JAZF1: variants seen among roughly 807,000 people sequenced by gnomAD.
The protein encoded by JAZF1 is JAZF zinc finger 1, also known as juxtaposed with another zinc finger protein 1.
A neutral mutation model predicts 26.4 loss-of-function variants in JAZF1; 8 were observed. That is an observed-to-expected ratio of 0.30 (90% CI 0.18 to 0.55). The LOEUF (loss-of-function observed/expected upper bound fraction) is 0.55, where lower values mean the gene tolerates loss of function less well. JAZF1 is among the 20% of genes least tolerant of loss of function. The pLI, the probability that JAZF1 is intolerant of heterozygous loss-of-function variation, is 0.94. For missense variants in JAZF1, 199 were observed against 322.0 expected (o/e 0.62, Z 2.92); for synonymous variants, 126 against 122.3 (o/e 1.03, Z -0.20).
Position 27,832,636 on chromosome 7 carries a change from ACT to A in JAZF1, c.*162_*163del, listed in dbSNP as rs1782728118. ...CATGTGCAAATGTACAAAATCATTA[ACT>A]CTACAAAGATACATCATTCCAAAAT... On this transcript the variant is annotated 3_prime_UTR_variant, in exon 5 of 5. Coordinates refer to ENST00000283928, the MANE Select transcript of JAZF1 (RefSeq NM_175061.4). 6.0e-6 allele frequency: 3 copies of A among 498,594 alleles called. No homozygotes were observed. The highest frequency in any genetic ancestry group is 3.2e-5 in the East Asian group (1 of 31,438). The allele number at this position is 498,594 out of a possible 1,614,324, so 30.9% of individuals were successfully genotyped here.
At chr7:28,083,773 G>A (rs555678225) in intron 1 of JAZF1, among the ~76,000 whole-genome samples, 18 of 151,962 alleles carry the variant, frequency 1.2e-4, no homozygotes, top group Admixed American at 7.8e-4. Context: ...GACCCAGCCA[G>A]TAAAAACATT....
At chr7:27,885,659 G>C (rs1461983255) in intron 3 of JAZF1, among the ~76,000 whole-genome samples, 2 of 152,056 alleles carry the variant, frequency 1.3e-5, no homozygotes, top group African/African-American at 4.8e-5. Flanking sequence ...CTTTAGTGTT[G>C]CCGAAGTCCA....
At chr7:28,161,286 A>C (rs1783283434) in intron 1 of JAZF1, among the ~76,000 whole-genome samples, 1 of 134,278 alleles carries the variant, frequency 7.4e-6, no homozygotes, top group Non-Finnish European at 1.6e-5. Flanking sequence ...AAAAAAGTCT[A>C]CTCAAAAGCC....
In JAZF1 at chr7:27,874,689, AT is replaced by A. The variant is rs1202409691; in HGVS notation, c.385+20530del. Among the ~76,000 whole-genome samples, 3 of 144,918 alleles carry A rather than the reference AT, an allele frequency of 2.1e-5. No individual in the cohort carries two copies. The Admixed American group carries it at 2.1e-4, about 10-fold the overall frequency. ...AAAAGAGCAAAGAAGCATGGCCTGA[AT>A]CAGGCCAACCACTGAACCTTTAATC... On this transcript the variant is annotated intron_variant, in intron 3 of 4. Transcript: ENST00000283928.
At chr7:27,876,144 G>T (rs778301143) in intron 3 of JAZF1, among the ~76,000 whole-genome samples, 3 of 152,194 alleles carry the variant, frequency 2.0e-5, no homozygotes, top group Non-Finnish European at 2.9e-5. Flanking sequence ...GGGTGTCCCC[G>T]CATGGTAACT....
At position 27,951,817 on chromosome 7, in the gene JAZF1, G is replaced by C. The variant is rs142087575; in HGVS notation, c.188+40092C>G. Among the ~76,000 whole-genome samples, 12 of 152,258 alleles carry C rather than the reference G, an allele frequency of 7.9e-5. 1 individual carries two copies. The East Asian group carries it at 2.3e-3, about 29-fold the overall frequency. On this transcript the variant is annotated intron_variant, in intron 2 of 4. Coordinates refer to ENST00000283928, the MANE Select transcript of JAZF1 (RefSeq NM_175061.4). ...GTATCTGGTGTAAGAAGAGAAAGACGGCGGGTTCATAAGCCACACTGCTGA... is the reference window on the plus strand; with the variant it reads ...GTATCTGGTGTAAGAAGAGAAAGACCGCGGGTTCATAAGCCACACTGCTGA...
At chr7:27,992,077 G>T (rs1306540324) in intron 1 of JAZF1, 96 bp from the exon 2 acceptor site, 1 of 790,594 alleles carries the variant, frequency 1.3e-6, no homozygotes, top group Non-Finnish European at 2.3e-6. Context: ...CAGAGAAAAA[G>T]ATTAATTTAG....
intron 1 of JAZF1, among the ~76,000 whole-genome samples, chr7:28,054,956 T>C (rs1171411272): frequency 6.6e-6 from 1 of 152,066 alleles, no homozygotes; most frequent in Non-Finnish European, 1.5e-5. Context: ...GTTCTCAATA[T>C]AGGTGCTGGC....
At position 27,831,953 on chromosome 7, in the gene JAZF1, C is replaced by A; in HGVS notation, c.*847G>T. 4.5e-6 allele frequency: 1 copy of A among 220,272 alleles called. No homozygotes were observed. The highest frequency in any genetic ancestry group is 6.7e-5 in the East Asian group (1 of 15,008). 13.6% of individuals were successfully genotyped at this position (220,272 alleles called of 1,614,324 possible). A position where few individuals can be genotyped will look rare whatever the true frequency, so the allele number is the denominator to read the frequency against. On this transcript the variant is annotated 3_prime_UTR_variant, in exon 5 of 5. Coordinates refer to ENST00000283928, the MANE Select transcript of JAZF1 (RefSeq NM_175061.4). ...ACACACACTTTGCACTGAAGTATTT[C>A]AAAGTCTTTTCTAACAGATTTCAGG...
intron 1 of JAZF1, among the ~76,000 whole-genome samples, chr7:28,090,860 C>A (rs1784284245): frequency 7.0e-6 from 1 of 142,034 alleles, no homozygotes; most frequent in Admixed American, 7.3e-5. Flanking sequence ...CGCTCTGTCA[C>A]CCAGGCCGGA....
At chr7:28,120,970 C>A (rs1214086403) in intron 1 of JAZF1, among the ~76,000 whole-genome samples, 2 of 151,990 alleles carry the variant, frequency 1.3e-5, no homozygotes, top group Non-Finnish European at 2.9e-5. Context: ...GAGGCCAAGG[C>A]GGGTGGATCA....
chr7:27,918,584 CT>C (rs1027581124), intron 2 of JAZF1, among the ~76,000 whole-genome samples: 3 of 152,160 alleles, frequency 2.0e-5, no homozygotes, highest in Non-Finnish European at 4.4e-5. Context: ...AGTATTTCAA[CT>C]TTTCCATGTG....
At position 27,925,943 on chromosome 7, in the gene JAZF1, C is replaced by A. The variant is rs570158877; in HGVS notation, c.189-30527G>T. Among the ~76,000 whole-genome samples, 98 of 152,322 alleles carry A rather than the reference C, an allele frequency of 6.4e-4. 2 individuals carry two copies. In the South Asian group the frequency reaches 0.011, roughly 17 times the overall value. On this transcript the variant is annotated intron_variant, in intron 2 of 4. Transcript: ENST00000283928. The stretch of plus-strand genomic sequence containing the variant: ...GTACTAAAAACCTTAGAAACCTCAC[C>A]ATGGCTAGCCTGGAGAGTCCCCTGT...
At chr7:27,872,149 G>A (rs1467964915) in intron 3 of JAZF1, among the ~76,000 whole-genome samples, 3 of 152,270 alleles carry the variant, frequency 2.0e-5, no homozygotes, top group African/African-American at 7.2e-5. Flanking sequence ...ATAATGAACA[G>A]CCGTCTGTTC....
At chr7:27,934,755 A>T (rs2128350714) in intron 2 of JAZF1, among the ~76,000 whole-genome samples, 1 of 152,366 alleles carries the variant, frequency 6.6e-6, no homozygotes, top group Middle Eastern at 3.4e-3. Flanking sequence ...AAACTCTTAG[A>T]AGAAAACACA....
intron 1 of JAZF1, among the ~76,000 whole-genome samples, chr7:28,159,352 A>T (rs1783242026): frequency 6.6e-6 from 1 of 151,704 alleles, no homozygotes; most frequent in Admixed American, 6.6e-5. Context: ...CAAATTTTTT[A>T]AAATCTAAAG....
intron 3 of JAZF1, among the ~76,000 whole-genome samples, chr7:27,847,451 T>G (rs1035809062): frequency 6.6e-6 from 1 of 152,126 alleles, no homozygotes; most frequent in Non-Finnish European, 1.5e-5. Context: ...TGGAGTTGAT[T>G]TGTGTGTATG....
chr7:27,937,812 C>T (rs148015722), intron 2 of JAZF1, among the ~76,000 whole-genome samples: 1 of 152,264 alleles, frequency 6.6e-6, no homozygotes, highest in East Asian at 1.9e-4. Context: ...ACATACCTTT[C>T]CATAAAAATG....
At chr7:27,960,003 C>G (rs1785163020) in intron 2 of JAZF1, among the ~76,000 whole-genome samples, 1 of 152,060 alleles carries the variant, frequency 6.6e-6, no homozygotes, top group Non-Finnish European at 1.5e-5. Flanking sequence ...ACTGTACCAA[C>G]GTACTGGGGG....
Sources: gnomAD v4.1 joint callset for allele counts (sites outside exome capture counted in the v4.1 genomes callset) on GRCh38, gnomAD v4.1.1 for gene constraint, MANE v1.5 for transcripts, NCBI Gene and HGNC (gene_info 2026-07-23, HGNC 2026-07-21) for gene names.